The following RPTOR variants were observed in gnomAD, a reference collection of about 807,000 sequenced individuals.
RPTOR encodes the protein regulatory associated protein of MTOR complex 1.
In RPTOR, 21 loss-of-function variants were observed where a neutral mutation model predicts 169.9. The observed-to-expected ratio is 0.12, with a 90% CI of 0.09 to 0.18. The LOEUF is 0.18. Among genes scored for constraint, RPTOR ranks in the 10% least tolerant of loss-of-function variants. The pLI is 1.00. For synonymous variants in RPTOR, 732 were observed against 753.2 expected (o/e 0.97, Z 0.46); for missense variants, 1,133 against 1,855.9 (o/e 0.61, Z 7.16).
At chr17:80,693,122 T>C (rs1342568592) in intron 3 of RPTOR, among the ~76,000 whole-genome samples, 1 of 152,252 alleles carries the variant, frequency 6.6e-6, no homozygotes, top group East Asian at 1.9e-4. Flanking sequence ...CATTGTTTCC[T>C]CTAAAGCAGA....
At chr17:80,938,563 A>T (rs1315152337) in intron 24 of RPTOR, among the ~76,000 whole-genome samples, 1 of 152,228 alleles carries the variant, frequency 6.6e-6, no homozygotes, top group Non-Finnish European at 1.5e-5. Flanking sequence ...CTGGTTGCTA[A>T]GAATCCACAG....
intron 33 of RPTOR, among the ~76,000 whole-genome samples, chr17:80,963,494 TGTG>T (rs2069376545): frequency 8.0e-5 from 2 of 25,030 alleles, no homozygotes; most frequent in African/African-American, 4.6e-4. Flanking sequence ...CCCCGTCCCC[TGTG>T]CGGCCCTCAC....
At position 80,707,841 on chromosome 17, in the gene RPTOR, G is replaced by T; in HGVS notation, c.349G>T (p.Ala117Ser). 6.2e-7 allele frequency: 1 copy of T among 1,610,260 alleles called. No homozygotes were observed. Among genetic ancestry groups the T allele is most frequent in the East Asian group, 2.2e-5 (1 of 44,776 alleles). Residue 117 changes from alanine to serine, a missense_variant and splice_region_variant, in exon 4 of 34, where the codon GCC (alanine) becomes TCC (serine). Ala to Ser is a moderately conservative substitution (Grantham distance 99, BLOSUM62 1). This residue lies in a region of RPTOR where 74 missense variants were observed against 168.3 expected (regional missense o/e 0.44). Transcript: ENST00000306801. This position sits in a 1 kb window ranked among gnomAD's most constrained non-coding sequence, Gnocchi z 5.0. ...TTCTTCATTTCTTCTCCTGCAACAG[G>T]CCCGGTACAAGCAGAGCCTTGACCC... Reference protein sequence around the residue: ...QKQYENWQPRARYKQSLDPTV... With the variant: ...QKQYENWQPRSRYKQSLDPTV...
rs1051401003 is a variant in RPTOR, at chr17:80,966,337, G to T, written c.*2007G>T. 4.3e-6 allele frequency: 1 copy of T among 230,156 alleles called. No homozygotes were observed. Among genetic ancestry groups the T allele is most frequent in the Non-Finnish European group, 8.6e-6 (1 of 116,208 alleles). The allele number at this position is 230,156 out of a possible 1,614,324, so 14.3% of individuals were successfully genotyped here. A position where few individuals can be genotyped will look rare whatever the true frequency, so the allele number is the denominator to read the frequency against. ...AAATGGTAATGTGAAGCTAAGAGCA[G>T]AGAGTGACCAACAGTAAACAACACG... On this transcript the variant is annotated 3_prime_UTR_variant, in exon 34 of 34. Coordinates refer to ENST00000306801, the MANE Select transcript of RPTOR (RefSeq NM_020761.3).
At chr17:80,598,882 T>TTCTA (rs57535540) in intron 1 of RPTOR, among the ~76,000 whole-genome samples, 23,361 of 146,762 alleles carry the variant, frequency 0.16, 1,920 homozygotes, top group Non-Finnish European at 0.17. Flanking sequence ...TCTTGATTCT[T>TTCTA]TCTATCTATC....
rs796104565 is a variant in RPTOR at position 80,744,511 on chromosome 17, TTACGAGCACAGCCCTGGC to T, written c.655-9495_655-9478del. Among the ~76,000 whole-genome samples the T allele has an allele frequency of 1.4e-3, 14 of 10,208 alleles. 1 individual carries two copies. Among genetic ancestry groups the T allele is most frequent in the South Asian group, 5.9e-3 (2 of 338 alleles). 6.7% of individuals were successfully genotyped at this position (10,208 alleles called of 152,430 possible). On this transcript the variant is annotated intron_variant, in intron 5 of 33. Transcript: ENST00000306801. Reference sequence around the variant, plus strand: ...GCCCTGGCTACTAGCACTGTCCTGGTTACGAGCACAGCCCTGGCTACTAGCACAGCCCTGGCTACTAGC... The same window carrying T: ...GCCCTGGCTACTAGCACTGTCCTGGTTACTAGCACAGCCCTGGCTACTAGC...
At chr17:80,843,206 T>C (rs2067689880) in intron 10 of RPTOR, among the ~76,000 whole-genome samples, 1 of 152,224 alleles carries the variant, frequency 6.6e-6, no homozygotes. Context: ...CTCTATAATA[T>C]TGAGCCTTCT....
At chr17:80,840,988 C>T (rs2067639231) in intron 10 of RPTOR, among the ~76,000 whole-genome samples, 1 of 17,388 alleles carries the variant, frequency 5.8e-5, no homozygotes, top group Non-Finnish European at 9.1e-5. Context: ...ATTCACCACA[C>T]GGCAACTCAC....
At chr17:80,654,380 C>T (rs1043242019) in intron 3 of RPTOR, among the ~76,000 whole-genome samples, 3 of 152,230 alleles carry the variant, frequency 2.0e-5, no homozygotes, top group Admixed American at 6.5e-5. Context: ...GGTGGGCTCT[C>T]GGCCCAGCAC....
At position 80,633,086 on chromosome 17, in the gene RPTOR, C is replaced by G. The variant is rs1011698601; in HGVS notation, c.265+7293C>G. Reference sequence around the variant, plus strand: ...GTGTTGAAATGACCGGCATGAGCTACCACACTAGGCCCATTTTTCATTTTG... The same window carrying G: ...GTGTTGAAATGACCGGCATGAGCTAGCACACTAGGCCCATTTTTCATTTTG... On this transcript the variant is annotated intron_variant, in intron 2 of 33. Transcript: ENST00000306801. The surrounding 1 kb of genome is among the most constrained non-coding windows in gnomAD (Gnocchi z 4.1). Among the ~76,000 whole-genome samples, 1 of 152,200 alleles carries G rather than the reference C, an allele frequency of 6.6e-6. No individual in the cohort carries two copies. Among genetic ancestry groups the G allele is most frequent in the African/African-American group, 2.4e-5 (1 of 41,436 alleles).
intron 1 of RPTOR, among the ~76,000 whole-genome samples, chr17:80,564,409 G>A (rs1284011787): frequency 1.3e-5 from 2 of 152,014 alleles, no homozygotes; most frequent in Non-Finnish European, 2.9e-5. Flanking sequence ...GGAATTGCTG[G>A]GAGATAGAGA....
chr17:80,861,067 C>T lies in RPTOR; in HGVS notation c.1509+3167C>T, dbSNP rs2067912594. On this transcript the variant is annotated intron_variant, in intron 13 of 33. Transcript: ENST00000306801. The surrounding 1 kb of genome is among the most constrained non-coding windows in gnomAD (Gnocchi z 4.5). ...CCATATATTTCAGCAAAATATTTTC[C>T]CTGCTACCCATTAAACTACAGATAA... Among the ~76,000 whole-genome samples, 2 of 144,726 alleles carry T rather than the reference C, an allele frequency of 1.4e-5. 1 individual carries two copies. The highest frequency in any genetic ancestry group is 4.5e-4 in the South Asian group (2 of 4,492). 94.9% of individuals were successfully genotyped at this position (144,726 alleles called of 152,430 possible).
intron 6 of RPTOR, among the ~76,000 whole-genome samples, chr17:80,759,592 G>A (rs2066714367): frequency 6.6e-6 from 1 of 152,000 alleles, no homozygotes; most frequent in East Asian, 1.9e-4. Context: ...GGTGTCTATG[G>A]CCTGTGAGTG....
At chr17:80,821,678 C>T (rs956078997) in intron 7 of RPTOR, among the ~76,000 whole-genome samples, 3 of 152,224 alleles carry the variant, frequency 2.0e-5, no homozygotes, top group African/African-American at 7.2e-5. Flanking sequence ...TCCCCCTAGA[C>T]CCTTAGGACA....
chr17:80,603,497 T>A (rs1215432427), intron 1 of RPTOR, among the ~76,000 whole-genome samples: 2 of 152,226 alleles, frequency 1.3e-5, no homozygotes, highest in African/African-American at 4.8e-5. Flanking sequence ...TTGATTATTG[T>A]TTGGTTGTGC....
chr17:80,786,130 G>T (rs2066988961), intron 6 of RPTOR, among the ~76,000 whole-genome samples: 1 of 152,202 alleles, frequency 6.6e-6, no homozygotes, highest in African/African-American at 2.4e-5. Flanking sequence ...AGTGGGGTGG[G>T]AGAGTGAAAG....
chr17:80,789,093 T>C (rs1363837218), intron 6 of RPTOR, among the ~76,000 whole-genome samples: 1 of 152,272 alleles, frequency 6.6e-6, no homozygotes, highest in East Asian at 1.9e-4. Context: ...AAGGGAACAT[T>C]ATATTTTCAC....
At chr17:80,922,660 C>T in intron 21 of RPTOR, 64 bp from the exon 22 acceptor site, 6 of 1,329,240 alleles carry the variant, frequency 4.5e-6, no homozygotes, top group African/African-American at 2.9e-5. Context: ...GCCTCTGCTT[C>T]GTGTGGCGGC....
intron 3 of RPTOR, among the ~76,000 whole-genome samples, chr17:80,648,970 G>A (rs539589835): frequency 1.3e-5 from 2 of 152,318 alleles, no homozygotes; most frequent in South Asian, 4.1e-4. Flanking sequence ...CGCCATGATT[G>A]TGAGACCTTC....
Sources: allele counts gnomAD v4.1 joint callset (sites outside exome capture counted in the v4.1 genomes callset), GRCh38; gene constraint gnomAD v4.1.1; regional missense constraint gnomAD v4.1.1; non-coding constraint Gnocchi (gnomAD v3.1); transcripts MANE v1.5; gene names NCBI Gene and HGNC (gene_info 2026-07-23, HGNC 2026-07-21).